The following EVI5 variants were observed in gnomAD, a reference collection of about 807,000 sequenced individuals.
The protein encoded by EVI5 is ecotropic viral integration site 5.
EVI5 carries 73 observed loss-of-function variants against 112.0 expected under a neutral mutation model. The observed-to-expected ratio is 0.65, with a 90% CI of 0.54 to 0.79. EVI5 has a LOEUF of 0.79. EVI5 is among the 30% of genes least tolerant of loss of function. EVI5 has a pLI of 0.00. For missense variants in EVI5, 900 were observed against 968.8 expected, an observed-to-expected ratio of 0.93 and a Z score of 0.94; for synonymous variants, 305 against 319.9, an observed-to-expected ratio of 0.95 and a Z score of 0.50.
intron 14 of EVI5, among the ~76,000 whole-genome samples, chr1:92,631,129 G>T (rs1049783886): frequency 2.0e-5 from 3 of 152,022 alleles, no homozygotes; most frequent in Non-Finnish European, 2.9e-5. Flanking sequence ...CTCCAGCTTT[G>T]TTCTTTTGGC....
chr1:92,615,801 C>A (rs999073906), intron 16 of EVI5, among the ~76,000 whole-genome samples: 43 of 152,222 alleles, frequency 2.8e-4, no homozygotes, highest in Middle Eastern at 3.4e-3. Context: ...CTCAGTGGGA[C>A]CCTAGAGGGT....
intron 2 of EVI5, among the ~76,000 whole-genome samples, chr1:92,714,381 G>C (rs1673299010): frequency 6.6e-6 from 1 of 152,098 alleles, no homozygotes. Flanking sequence ...CTAAATAAAA[G>C]CATCTACTTT....
intron 18 of EVI5, among the ~76,000 whole-genome samples, chr1:92,566,031 T>C (rs1669425137): frequency 6.8e-6 from 1 of 147,248 alleles, no homozygotes; most frequent in Admixed American, 6.9e-5. Context: ...CCAACAACAC[T>C]GCTGTTCTGT....
Position 92,645,947 on chromosome 1 carries a change from A to T in EVI5, c.1393-9611T>A, listed in dbSNP as rs565139360. ...CAAGGCAACCACAACTCTGATCAAG[A>T]CATGCCCAACCCCAGCCCTGAGTGA... On this transcript the variant is annotated intron_variant, in intron 13 of 19. Coordinates refer to ENST00000684568, the MANE Select transcript of EVI5 (RefSeq NM_001350197.2). Among the ~76,000 whole-genome samples, 305 of 152,260 alleles carry T rather than the reference A, an allele frequency of 2.0e-3. 2 individuals are homozygous for T. The highest frequency in any genetic ancestry group is 3.0e-3 in the Non-Finnish European group (201 of 68,014).
chr1:92,755,068 G>GTTTTGT (rs376692311), intron 1 of EVI5, among the ~76,000 whole-genome samples: 5 of 33,582 alleles, frequency 1.5e-4, no homozygotes, highest in South Asian at 1.4e-3. Flanking sequence ...GTGAACATAG[G>GTTTTGT]TTTTTTTTTT....
rs541566223 is a variant in EVI5 at position 92,540,932 on chromosome 1, G to C, written c.2166+22710C>G. Among the ~76,000 whole-genome samples, 100 of 152,244 alleles carry C rather than the reference G, an allele frequency of 6.6e-4. No individual in the cohort carries two copies. In the East Asian group the frequency reaches 0.018, roughly 28 times the overall value. On this transcript the variant is annotated intron_variant, in intron 19 of 19. Transcript: ENST00000684568. ...CTACTAAAAATACAAAAATTAGCCA[G>C]GCGTGGTGGCAGGCACCTGTAATCC...
chr1:92,597,887 C>T lies in EVI5; in HGVS notation c.2070+7420G>A, dbSNP rs186434265. 5.9e-5 allele frequency among the ~76,000 whole-genome samples: 9 copies of T among 152,204 alleles called. No individual in the cohort carries two copies. The East Asian group carries it at 1.7e-3, about 29-fold the overall frequency. On this transcript the variant is annotated intron_variant, in intron 18 of 19. Coordinates refer to ENST00000684568, the MANE Select transcript of EVI5 (RefSeq NM_001350197.2). The stretch of plus-strand genomic sequence containing the variant: ...CAGCCTGGGCAACATAGCCAAATTC[C>T]ATCTCTACACAAAATATAAAAATTA...
chr1:92,510,588 G>A lies in EVI5; in HGVS notation c.*3068C>T, dbSNP rs776926450. ...CATTTTAGAGTATCTGTTATCAAGG[G>A]TTAGCAAACTTTTTCTGTAAAGGAT... On this transcript the variant is annotated 3_prime_UTR_variant, in exon 20 of 20. Coordinates refer to ENST00000684568, the MANE Select transcript of EVI5 (RefSeq NM_001350197.2). The A allele has an allele frequency of 2.6e-5, 4 of 152,122 alleles. No individual in the cohort carries two copies. The highest frequency in any genetic ancestry group is 4.4e-5 in the Non-Finnish European group (3 of 68,028). The allele number at this position is 152,122 out of a possible 1,614,324, so 9.4% of individuals were successfully genotyped here. A position where few individuals can be genotyped will look rare whatever the true frequency, so the allele number is the denominator to read the frequency against.
At chr1:92,658,565 T>A (rs2102130612) in intron 13 of EVI5, among the ~76,000 whole-genome samples, 1 of 152,220 alleles carries the variant, frequency 6.6e-6, no homozygotes, top group South Asian at 2.1e-4. Flanking sequence ...AAAATACTGA[T>A]GAAATAAATT....
At chr1:92,520,006 C>T (rs1346352243) in intron 19 of EVI5, among the ~76,000 whole-genome samples, 1 of 150,832 alleles carries the variant, frequency 6.6e-6, no homozygotes, top group East Asian at 1.9e-4. Flanking sequence ...CTTATAGAGA[C>T]AGAAAGTAGA....
intron 17 of EVI5, 66 bp downstream of exon 17, chr1:92,607,515 A>G (rs1650686917): frequency 5.2e-6 from 6 of 1,144,680 alleles, no homozygotes; most frequent in Middle Eastern, 4.5e-4. Context: ...TAATCACGAT[A>G]AAACAAACAA....
chr1:92,617,111 A>T (rs1653363464), intron 16 of EVI5, among the ~76,000 whole-genome samples: 1 of 152,218 alleles, frequency 6.6e-6, no homozygotes, highest in Non-Finnish European at 1.5e-5. Context: ...GTTCTGCACG[A>T]TATGCAGGCA....
At chr1:92,696,585 T>A (rs1670353823) in intron 6 of EVI5, among the ~76,000 whole-genome samples, 1 of 151,140 alleles carries the variant, frequency 6.6e-6, no homozygotes, top group South Asian at 2.1e-4. Flanking sequence ...GGCAGTGAAC[T>A]GTGATTGTGT....
At chr1:92,785,556 TTGTAA>T (rs2103135389), upstream of EVI5, among the ~76,000 whole-genome samples, 1 of 152,306 alleles carries the variant, frequency 6.6e-6, no homozygotes, top group East Asian at 1.9e-4. Context: ...ACACTTGTAA[TTGTAA>T]TGTACTCTTA....
intron 19 of EVI5, among the ~76,000 whole-genome samples, chr1:92,532,960 A>G (rs190554232): frequency 2.6e-5 from 4 of 151,886 alleles, no homozygotes; most frequent in African/African-American, 9.7e-5. Context: ...GGAGATAGAG[A>G]CACAAAAAAC....
At position 92,697,958 on chromosome 1, in the gene EVI5, A is replaced by G; in HGVS notation, c.667T>C (p.Phe223Leu). Residue 223 changes from phenylalanine to leucine, a missense_variant, in exon 6 of 20, where the codon TTT becomes CTT. Transcript: ENST00000684568. ...QMPEEEAFCV[F>L]VKLMQDYRLR... ...CTATAATCTTGCATTAATTTAACAAATACACAGAAAGCTTCTTCTTCTGGC... is the reference window on the plus strand; with the variant it reads ...CTATAATCTTGCATTAATTTAACAAGTACACAGAAAGCTTCTTCTTCTGGC... The G allele has an allele frequency of 6.2e-7, 1 of 1,612,324 alleles. No homozygotes were observed. Among genetic ancestry groups the G allele is most frequent in the Non-Finnish European group, 8.5e-7 (1 of 1,179,226 alleles).
chr1:92,659,794 T>C (rs1229342692), intron 13 of EVI5, among the ~76,000 whole-genome samples: 17 of 152,074 alleles, frequency 1.1e-4, no homozygotes, highest in Non-Finnish European at 1.0e-4. Context: ...ATATATTTCT[T>C]GTAGATTTAT....
At chr1:92,525,884 C>T (rs1466024915) in intron 19 of EVI5, among the ~76,000 whole-genome samples, 1 of 152,144 alleles carries the variant, frequency 6.6e-6, no homozygotes, top group African/African-American at 2.4e-5. Flanking sequence ...GATATCCATA[C>T]CAACCCAGTT....
At chr1:92,538,996 G>A (rs964415989) in intron 19 of EVI5, among the ~76,000 whole-genome samples, 1 of 152,186 alleles carries the variant, frequency 6.6e-6, no homozygotes, top group Admixed American at 6.5e-5. Flanking sequence ...TTATGGGTGA[G>A]TCACTGAGGC....
Sources: gnomAD v4.1 joint callset for allele counts (sites outside exome capture counted in the v4.1 genomes callset) on GRCh38, gnomAD v4.1.1 for gene constraint, MANE v1.5 for transcripts, NCBI Gene and HGNC (gene_info 2026-07-23, HGNC 2026-07-21) for gene names.